The following POFUT1 variants were observed in gnomAD, a reference collection of about 807,000 sequenced individuals.
POFUT1 encodes protein O-fucosyltransferase 1, also known as GDP-fucose protein O-fucosyltransferase 1.
A neutral mutation model predicts 42.4 loss-of-function variants in POFUT1; 16 were observed. That is an observed-to-expected ratio of 0.38 (90% CI 0.26 to 0.57). The LOEUF (loss-of-function observed/expected upper bound fraction) is 0.57. POFUT1 is among the 20% of genes least tolerant of loss of function. The pLI is 0.71. For missense variants in POFUT1, 470 were observed against 504.6 expected, an observed-to-expected ratio of 0.93 and a Z score of 0.66; for synonymous variants, 206 against 205.4, an observed-to-expected ratio of 1.00 and a Z score of -0.03.
chr20:32,226,868 C>G (rs2047417254), intron 4 of POFUT1, among the ~76,000 whole-genome samples: 1 of 152,004 alleles, frequency 6.6e-6, no homozygotes, highest in African/African-American at 2.4e-5. Flanking sequence ...TGGGTTGTTT[C>G]CAGTTGGGGG....
In POFUT1 at chr20:32,207,889, C is replaced by A; in HGVS notation, c.-53C>A. On this transcript the variant is annotated 5_prime_UTR_variant, in exon 1 of 7. Coordinates refer to ENST00000375749, the MANE Select transcript of POFUT1 (RefSeq NM_015352.2). ...TGGGAGCGGGGCGGGCGCTCGCGTC[C>A]CTCCTTCCCTCCCCGACTGTGCGCC... is the stretch of plus-strand genomic sequence containing the variant. 2 of 1,443,508 alleles carry A rather than the reference C, an allele frequency of 1.4e-6. No homozygotes were observed. The highest frequency in any genetic ancestry group is 1.8e-6 in the Non-Finnish European group (2 of 1,105,708). 89.4% of individuals were successfully genotyped at this position (1,443,508 alleles called of 1,614,324 possible). A position where few individuals can be genotyped will look rare whatever the true frequency, so the allele number is the denominator to read the frequency against.
chr20:32,219,137 C>T (rs2047377526), intron 4 of POFUT1, among the ~76,000 whole-genome samples: 1 of 152,156 alleles, frequency 6.6e-6, no homozygotes, highest in South Asian at 2.1e-4. Context: ...AGGGAATGAA[C>T]AAGGCCAGAA....
intron 4 of POFUT1, among the ~76,000 whole-genome samples, chr20:32,227,712 G>C (rs573916551): frequency 7.2e-5 from 11 of 152,318 alleles, no homozygotes; most frequent in Admixed American, 3.3e-4. Context: ...GCAGACCCCT[G>C]CTCCCTTCCA....
In POFUT1 at chr20:32,216,685, C is replaced by G; in HGVS notation, c.506C>G (p.Ser169Cys). 6.2e-7 allele frequency: 1 copy of G among 1,613,348 alleles called. No homozygotes were observed. The highest frequency in any genetic ancestry group is 8.5e-7 in the Non-Finnish European group (1 of 1,179,278). The change falls in exon 4 of 7, where the codon TCC becomes TGC. Residue 169 changes from serine to cysteine, a missense_variant. Ser to Cys is a moderately radical substitution (Grantham distance 112). Transcript: ENST00000375749. ...FNKSELFTGI[S>C]FSASYREQWS... ...AAGTCGGAGCTTTTTACAGGCATTT[C>G]CTTCAGTGCTTCCTACAGAGAACAA...
Position 32,234,761 on chromosome 20 carries a change from A to C in POFUT1, c.*100A>C. The C allele has an allele frequency of 3.8e-6, 4 of 1,044,484 alleles. No homozygotes were observed. Among genetic ancestry groups the C allele is most frequent in the East Asian group, 2.5e-5 (1 of 39,936 alleles). The allele number at this position is 1,044,484 out of a possible 1,614,324, so 64.7% of individuals were successfully genotyped here. On this transcript the variant is annotated 3_prime_UTR_variant, in exon 7 of 7. Coordinates refer to ENST00000375749, the MANE Select transcript of POFUT1 (RefSeq NM_015352.2). ...AGCCAGAGGTGCTCCGGGATTGCAA[A>C]CTCCTCTTCTCACCTGCCAAAGATG...
rs1048469648 is a variant in POFUT1, at chr20:32,237,599, T to C, written c.*2938T>C. On this transcript the variant is annotated 3_prime_UTR_variant, in exon 7 of 7. Transcript: ENST00000375749. ...GGTCAGAGCAGGCGAGCTGACATTCTGCAGCCTGGACGGCCATGGCAGGAA... is the reference window on the plus strand; with the variant it reads ...GGTCAGAGCAGGCGAGCTGACATTCCGCAGCCTGGACGGCCATGGCAGGAA... 1.7e-5 allele frequency: 5 copies of C among 298,516 alleles called. No individual in the cohort carries two copies. The highest frequency in any genetic ancestry group is 2.8e-5 in the Non-Finnish European group (4 of 143,066). 18.5% of individuals were successfully genotyped at this position (298,516 alleles called of 1,614,324 possible). A position where few individuals can be genotyped will look rare whatever the true frequency, so the allele number is the denominator to read the frequency against.
At chr20:32,209,759 G>A (rs2047316751) in intron 1 of POFUT1, among the ~76,000 whole-genome samples, 1 of 152,206 alleles carries the variant, frequency 6.6e-6, no homozygotes, top group African/African-American at 2.4e-5. Context: ...ATGTGCAGGT[G>A]AATGGAGATA....
intron 1 of POFUT1, 106 bp downstream of exon 1, chr20:32,208,171 C>G (rs771687810): frequency 3.7e-4 from 439 of 1,180,792 alleles, no homozygotes; most frequent in Non-Finnish European, 4.7e-4. Flanking sequence ...CAGGAGAGAA[C>G]CTCAGAGCGG....
chr20:32,229,675 T>G (rs929937085), intron 5 of POFUT1, among the ~76,000 whole-genome samples: 2 of 152,178 alleles, frequency 1.3e-5, no homozygotes, highest in Non-Finnish European at 2.9e-5. Context: ...TCCCAGATAA[T>G]GCAGTAAGAC....
At chr20:32,226,964 G>A (rs1279780326) in intron 4 of POFUT1, among the ~76,000 whole-genome samples, 1 of 152,146 alleles carries the variant, frequency 6.6e-6, no homozygotes, top group Non-Finnish European at 1.5e-5. Flanking sequence ...AAATGCCTAA[G>A]AGTACAATTG....
At chr20:32,217,198 A>T in intron 4 of POFUT1, 1 of 1,440,332 alleles carries the variant, frequency 6.9e-7, no homozygotes, top group Middle Eastern at 1.9e-4. Context: ...ACAGGCCGTG[A>T]AACATTTATA....
rs913559535 is a variant in POFUT1 at position 32,234,518 on chromosome 20, T to C, written c.1024T>C (p.Tyr342His). 2.5e-6 allele frequency: 4 copies of C among 1,613,722 alleles called. No homozygotes were observed. In the African/African-American group the frequency reaches 5.3e-5, roughly 22 times the overall value. ...LKPEVAQVDL[Y>H]ILGQADHFIG... Reference sequence around the variant, plus strand: ...GCCTGAGGTGGCCCAGGTCGACCTGTACATCCTCGGCCAAGCCGACCACTT... The same window carrying C: ...GCCTGAGGTGGCCCAGGTCGACCTGCACATCCTCGGCCAAGCCGACCACTT... The change falls in exon 7 of 7, where the codon TAC becomes CAC. Residue 342 changes from tyrosine to histidine, a missense_variant. Physicochemically the swap from Tyr to His is moderately conservative, Grantham distance 83. Coordinates refer to ENST00000375749, the MANE Select transcript of POFUT1 (RefSeq NM_015352.2).
chr20:32,225,780 C>T (rs76779385), intron 4 of POFUT1, among the ~76,000 whole-genome samples: 2,197 of 152,112 alleles, frequency 0.014, 44 homozygotes, highest in African/African-American at 0.049. Flanking sequence ...GTGGCCACCA[C>T]ACCCAACCAC....
intron 6 of POFUT1, among the ~76,000 whole-genome samples, chr20:32,233,010 G>T (rs1417384895): frequency 6.6e-6 from 1 of 152,222 alleles, no homozygotes; most frequent in Non-Finnish European, 1.5e-5. Flanking sequence ...TGGGCCACAA[G>T]GTGGATTCAG....
intron 4 of POFUT1, chr20:32,223,091 A>G (rs1036281334): frequency 8.1e-6 from 8 of 985,466 alleles, no homozygotes; most frequent in Middle Eastern, 1.0e-3. Context: ...TGGATGCTGT[A>G]TACAGAGAAG....
intron 5 of POFUT1, among the ~76,000 whole-genome samples, chr20:32,229,727 G>C (rs1000617183): frequency 1.3e-5 from 2 of 152,068 alleles, no homozygotes; most frequent in African/African-American, 4.8e-5. Flanking sequence ...GGCTTTCTGT[G>C]CTGTGCCCAC....
chr20:32,218,419 A>C (rs1329416979), intron 4 of POFUT1, among the ~76,000 whole-genome samples: 9 of 152,204 alleles, frequency 5.9e-5, no homozygotes. Context: ...GATTACAAGC[A>C]TGAGCTGCTG....
intron 5 of POFUT1, among the ~76,000 whole-genome samples, 182 bp downstream of exon 5, chr20:32,228,637 C>T (rs2047427249): frequency 6.6e-6 from 1 of 152,246 alleles, no homozygotes; most frequent in African/African-American, 2.4e-5. Flanking sequence ...GAGTGCCTGC[C>T]AGCCAGGTCT....
chr20:32,220,856 A>G lies in POFUT1; in HGVS notation c.542+4135A>G, dbSNP rs75749094. On this transcript the variant is annotated intron_variant, in intron 4 of 6. Coordinates refer to ENST00000375749, the MANE Select transcript of POFUT1 (RefSeq NM_015352.2). ...TGGGGCCACCAAGAAGCATGTATAC[A>G]CTTGACCTCTCCATGTGGCTTGGGC... Among the ~76,000 whole-genome samples the G allele has an allele frequency of 6.9e-3, 1,054 of 152,094 alleles. 12 individuals are homozygous for G. The highest frequency in any genetic ancestry group is 0.024 in the African/African-American group (1,009 of 41,470).
Sources: allele counts gnomAD v4.1 joint callset (sites outside exome capture counted in the v4.1 genomes callset), GRCh38; gene constraint gnomAD v4.1.1; transcripts MANE v1.5; gene names NCBI Gene and HGNC (gene_info 2026-07-23, HGNC 2026-07-21).